Variants in PHF14 observed in about 807,000 individuals in gnomAD.
PHF14 encodes PHD finger protein 14.
In PHF14, 55 loss-of-function variants were observed where a neutral mutation model predicts 117.9. The observed-to-expected ratio is 0.47, with a 90% CI of 0.38 to 0.58. The LOEUF (loss-of-function observed/expected upper bound fraction) is 0.58, where lower values mean the gene tolerates loss of function less well. PHF14 is among the 20% of genes least tolerant of loss of function. PHF14 has a pLI of 0.00. For missense variants in PHF14, 978 were observed against 1,122.2 expected (o/e 0.87, Z 1.84); for synonymous variants, 409 against 368.6 (o/e 1.11, Z -1.26).
At chr7:10,983,794 C>A (rs1782126166) in intron 3 of PHF14, among the ~76,000 whole-genome samples, 1 of 152,038 alleles carries the variant, frequency 6.6e-6, no homozygotes, top group Non-Finnish European at 1.5e-5. Flanking sequence ...CCAAACATTT[C>A]CATCATAAAA....
intron 3 of PHF14, among the ~76,000 whole-genome samples, chr7:10,985,643 T>TTG (rs1562561900): frequency 1.7e-5 from 2 of 116,014 alleles, no homozygotes; most frequent in African/African-American, 7.8e-5. Flanking sequence ...AAACTGTTTT[T>TTG]TTTTTTTTTT....
intron 11 of PHF14, among the ~76,000 whole-genome samples, chr7:11,039,825 G>T (rs1219890510): frequency 1.3e-5 from 2 of 152,086 alleles, no homozygotes; most frequent in African/African-American, 2.4e-5. Flanking sequence ...CCTCTGGGAG[G>T]ATCAGCCTTT....
At chr7:11,033,786 T>C in intron 7 of PHF14, among the ~76,000 whole-genome samples, 1 of 152,182 alleles carries the variant, frequency 6.6e-6, no homozygotes, top group South Asian at 2.1e-4. Context: ...GATCTGGGTA[T>C]TTGGGCTGAG....
intron 4 of PHF14, among the ~76,000 whole-genome samples, chr7:11,005,110 T>C (rs1336842143): frequency 6.6e-6 from 1 of 152,136 alleles, no homozygotes; most frequent in African/African-American, 2.4e-5. Flanking sequence ...GTTTTTTTTT[T>C]CTATTTGTAA....
chr7:11,050,882 T>G (rs1426746947), intron 13 of PHF14, among the ~76,000 whole-genome samples: 1 of 152,160 alleles, frequency 6.6e-6, no homozygotes, highest in African/African-American at 2.4e-5. Flanking sequence ...TCTGTTTGTA[T>G]AGTTTCTTTA....
Position 11,120,565 on chromosome 7 carries a change from A to G in PHF14, c.2772+9098A>G, listed in dbSNP as rs1322740228. Among the ~76,000 whole-genome samples the G allele has an allele frequency of 2.6e-5, 4 of 152,152 alleles. No homozygotes were observed. In the East Asian group the frequency reaches 7.7e-4, roughly 29 times the overall value. On this transcript the variant is annotated intron_variant, in intron 17 of 17. Transcript: ENST00000634607. ...TGTCCATTTGTTATAATTTCTTGGT[A>G]GCAATGAAAGCTATCTTTATAATTA...
intron 17 of PHF14, among the ~76,000 whole-genome samples, chr7:11,137,967 T>A (rs1788273803): frequency 6.6e-6 from 1 of 152,036 alleles, no homozygotes; most frequent in Non-Finnish European, 1.5e-5. Flanking sequence ...AGTACAGCTA[T>A]GCATATAAAC....
chr7:11,028,764 C>T lies in PHF14; in HGVS notation c.1401C>T (p.Phe467=). 2 of 1,613,746 alleles carry T rather than the reference C, an allele frequency of 1.2e-6. No individual in the cohort carries two copies. The highest frequency in any genetic ancestry group is 1.7e-6 in the Non-Finnish European group (2 of 1,179,734). The part of the protein sequence containing the change: ...SCDAGMCRAY[F]HVTCAQKEGL... ...ATGCAGGGATGTGCAGAGCCTATTTCCATGTGACCTGTGCTCAAAAGGAAG... is the reference window on the plus strand; with the variant it reads ...ATGCAGGGATGTGCAGAGCCTATTTTCATGTGACCTGTGCTCAAAAGGAAG... Residue 467 remains phenylalanine (F), a synonymous_variant, in exon 7 of 18, where the codon TTC becomes TTT. Coordinates refer to ENST00000634607, the MANE Select transcript of PHF14 (RefSeq NM_001007157.2).
chr7:11,007,963 G>A (rs544937555), intron 4 of PHF14, among the ~76,000 whole-genome samples: 99 of 152,278 alleles, frequency 6.5e-4, no homozygotes, highest in African/African-American at 2.2e-3. Context: ...GAGGGCTGCA[G>A]TGTGTCACTT....
intron 3 of PHF14, among the ~76,000 whole-genome samples, chr7:10,988,786 A>G (rs755193966): frequency 2.1e-4 from 32 of 152,286 alleles, no homozygotes; most frequent in Non-Finnish European, 3.4e-4. Context: ...TGCCAGGAAC[A>G]TTCTTGCCAT....
At chr7:11,097,710 A>G (rs2128340391) in intron 16 of PHF14, among the ~76,000 whole-genome samples, 1 of 152,306 alleles carries the variant, frequency 6.6e-6, no homozygotes, top group East Asian at 1.9e-4. Flanking sequence ...TTCCCTTCAC[A>G]TTCTCAAAGT....
intron 16 of PHF14, among the ~76,000 whole-genome samples, chr7:11,084,131 G>A (rs1483847417): frequency 6.6e-6 from 1 of 151,984 alleles, no homozygotes. Context: ...AAACTTCAAA[G>A]TATTTACAAC....
At chr7:11,043,886 TA>T (rs1162678145) in intron 13 of PHF14, among the ~76,000 whole-genome samples, 3 of 152,040 alleles carry the variant, frequency 2.0e-5, no homozygotes, top group East Asian at 3.9e-4. Flanking sequence ...GCCATGAACT[TA>T]TATAGAGTTA....
rs374240301 is a variant in PHF14 at position 11,094,284 on chromosome 7, A to T, written c.2655-17066A>T. On this transcript the variant is annotated intron_variant, in intron 16 of 17. Transcript: ENST00000634607. ...ATAATTTTGGAAGACATAAGTCCAA[A>T]ACCAGTTTCATTTGGTCAAGGTGTT... Among the ~76,000 whole-genome samples the T allele has an allele frequency of 3.3e-5, 5 of 152,310 alleles. No homozygotes were observed. In the East Asian group the frequency reaches 5.8e-4, roughly 18 times the overall value.
chr7:11,036,931 C>T lies in PHF14; in HGVS notation c.1874-54C>T. The T allele has an allele frequency of 2.5e-6, 3 of 1,199,476 alleles. No individual in the cohort carries two copies. In the South Asian group the frequency reaches 4.3e-5, roughly 17 times the overall value. 74.3% of individuals were successfully genotyped at this position (1,199,476 alleles called of 1,614,324 possible). A position where few individuals can be genotyped will look rare whatever the true frequency, so the allele number is the denominator to read the frequency against. ...GATCATCTTTATAGCTAGTTTCTTC[C>T]TATGTCAGTTTTTACTTCCTACTAA... On this transcript the variant is annotated intron_variant, in intron 9 of 17. Transcript: ENST00000634607.
chr7:11,039,624 A>T (rs867542241), intron 11 of PHF14, among the ~76,000 whole-genome samples: 3 of 152,306 alleles, frequency 2.0e-5, no homozygotes, highest in Non-Finnish European at 2.9e-5. Context: ...TTTCGAACAG[A>T]TATTTTTCAT....
intron 16 of PHF14, chr7:11,104,456 TATA>T (rs1787190821): frequency 2.1e-6 from 2 of 972,634 alleles, no homozygotes; most frequent in Admixed American, 6.2e-5. Flanking sequence ...GTCCAACTAC[TATA>T]AGGAGAAAAT....
chr7:11,118,436 C>G (rs537258376), intron 17 of PHF14, among the ~76,000 whole-genome samples: 1 of 151,690 alleles, frequency 6.6e-6, no homozygotes, highest in African/African-American at 2.4e-5. Context: ...CTTTTAATCC[C>G]TTAGTTTCTA....
At chr7:10,990,872 T>G in intron 4 of PHF14, 25 bp downstream of exon 4, 3 of 1,514,220 alleles carry the variant, frequency 2.0e-6, no homozygotes, top group Non-Finnish European at 2.7e-6. Context: ...TTTTCTCTCT[T>G]TTTAGAAATG....
Sources: allele counts gnomAD v4.1 joint callset (sites outside exome capture counted in the v4.1 genomes callset), GRCh38; gene constraint gnomAD v4.1.1; transcripts MANE v1.5; gene names NCBI Gene and HGNC (gene_info 2026-07-23, HGNC 2026-07-21).